Variants in TENM1 observed in about 807,000 individuals in gnomAD.
The protein encoded by TENM1 is teneurin-1.
In TENM1, 35 loss-of-function variants were observed where a neutral mutation model predicts 174.8. The observed-to-expected ratio is 0.20, with a 90% CI of 0.15 to 0.27. The LOEUF (loss-of-function observed/expected upper bound fraction) is 0.27, where lower values mean the gene tolerates loss of function less well. Among genes scored for constraint, TENM1 ranks in the 10% least tolerant of loss-of-function variants. The pLI, the probability that TENM1 is intolerant of heterozygous loss-of-function variation, is 1.00. For missense variants in TENM1, 1,633 were observed against 2,130.1 expected, an observed-to-expected ratio of 0.77 and a Z score of 4.59; for synonymous variants, 781 against 798.7, an observed-to-expected ratio of 0.98 and a Z score of 0.37.
At chrX:124,680,852 T>C (rs1054519575) in intron 5 of TENM1, among the ~76,000 whole-genome samples, 2 of 110,834 alleles carry the variant, frequency 1.8e-5, no homozygotes. Flanking sequence ...GATGGGAGTT[T>C]CTCAGATTCC....
At position 124,840,574 on chromosome X, in the gene TENM1, T is replaced by C. The variant is rs939519764; in HGVS notation, c.535+53722A>G. Among the ~76,000 whole-genome samples, 4 of 111,667 alleles carry C rather than the reference T, an allele frequency of 3.6e-5. No homozygotes were observed. The Admixed American group carries it at 3.8e-4, about 11-fold the overall frequency. ...AAGACTAACCCCTTGAGAGCACATTTACAGATAAATGCACAAAAAAATAAA... is the reference window on the plus strand; with the variant it reads ...AAGACTAACCCCTTGAGAGCACATTCACAGATAAATGCACAAAAAAATAAA... On this transcript the variant is annotated intron_variant, in intron 3 of 31. Coordinates refer to ENST00000422452, the Ensembl canonical transcript of TENM1.
At chrX:124,865,398 A>AT (rs1231961632) in intron 3 of TENM1, among the ~76,000 whole-genome samples, 1 of 111,839 alleles carries the variant, frequency 8.9e-6, no homozygotes, top group Non-Finnish European at 1.9e-5. Flanking sequence ...AGTTTTTATT[A>AT]TTTTTCATTT....
the TENM1 span, among the ~76,000 whole-genome samples, chrX:125,052,791 T>C: frequency 8.9e-6 from 1 of 112,505 alleles, no homozygotes; most frequent in African/African-American, 3.2e-5. Context: ...AGGACAAATG[T>C]TCCGGGCTTC....
At chrX:124,757,688 G>A (rs1305420762) in intron 3 of TENM1, among the ~76,000 whole-genome samples, 1 of 112,502 alleles carries the variant, frequency 8.9e-6, no homozygotes, top group Non-Finnish European at 1.9e-5. Flanking sequence ...AATACATAGT[G>A]TAGCACTTCA....
intron 3 of TENM1, among the ~76,000 whole-genome samples, chrX:124,835,920 C>T (rs773772537): frequency 5.1e-4 from 57 of 111,517 alleles, no homozygotes; most frequent in Non-Finnish European, 8.7e-4. Flanking sequence ...GAATGCTTTT[C>T]GAGGGGATGA....
At chrX:124,439,262 T>C (rs980111612) in intron 23 of TENM1, among the ~76,000 whole-genome samples, 2 of 112,066 alleles carry the variant, frequency 1.8e-5, no homozygotes, top group Non-Finnish European at 3.8e-5. Context: ...TTTTTGTGTG[T>C]GTGAAATTGA....
the TENM1 span, among the ~76,000 whole-genome samples, chrX:125,157,626 C>T: frequency 5.4e-5 from 6 of 111,886 alleles, no homozygotes; most frequent in African/African-American, 1.6e-4. Context: ...AACGAACTAG[C>T]ATGCCTCAAT....
At chrX:124,928,445 A>G (rs767026552) in intron 1 of TENM1, among the ~76,000 whole-genome samples, 52 of 112,194 alleles carry the variant, frequency 4.6e-4, no homozygotes, top group Non-Finnish European at 9.2e-4. Flanking sequence ...TTCCTTAAAG[A>G]ACATCTGTAC....
At chrX:124,781,151 G>A (rs2054900746) in intron 3 of TENM1, among the ~76,000 whole-genome samples, 1 of 111,292 alleles carries the variant, frequency 9.0e-6, no homozygotes, top group Non-Finnish European at 1.9e-5. Flanking sequence ...TTTTTTGTTT[G>A]TCTCATTAAA....
chrX:124,760,051 C>G (rs1485000203), intron 3 of TENM1, among the ~76,000 whole-genome samples: 1 of 111,495 alleles, frequency 9.0e-6, no homozygotes, highest in Non-Finnish European at 1.9e-5. Flanking sequence ...GAATACAGCC[C>G]ACCTGTGCAC....
intron 5 of TENM1, among the ~76,000 whole-genome samples, chrX:124,693,889 T>C (rs1331658627): frequency 9.0e-6 from 1 of 111,517 alleles, no homozygotes; most frequent in East Asian, 2.8e-4. Context: ...ATAGGAGTTG[T>C]ATGTAAATAG....
intron 4 of TENM1, among the ~76,000 whole-genome samples, chrX:124,710,172 T>C (rs2053010994): frequency 9.0e-6 from 1 of 110,833 alleles, no homozygotes; most frequent in Admixed American, 9.6e-5. Context: ...CATTTACTAG[T>C]GAGCAAGAAG....
chrX:125,098,421 CT>C, the TENM1 span, among the ~76,000 whole-genome samples: 1 of 111,859 alleles, frequency 8.9e-6, no homozygotes, highest in Non-Finnish European at 1.9e-5. Flanking sequence ...CTGAAATTTA[CT>C]TTTAAATAGC....
At position 124,857,565 on chromosome X, in the gene TENM1, A is replaced by G. The variant is rs781568858; in HGVS notation, c.535+36731T>C. Among the ~76,000 whole-genome samples the G allele has an allele frequency of 4.5e-5, 5 of 111,968 alleles. No individual in the cohort carries two copies. The South Asian group carries it at 1.9e-3, about 42-fold the overall frequency. ...AATCTGTAGAGACAAAATGTAGATT[A>G]GTGCTACTTACAGTTGGGGGATAAA... On this transcript the variant is annotated intron_variant, in intron 3 of 31. Transcript: ENST00000422452.
At chrX:124,617,007 TGAA>T (rs1355959571) in intron 11 of TENM1, among the ~76,000 whole-genome samples, 1 of 112,131 alleles carries the variant, frequency 8.9e-6, no homozygotes, top group African/African-American at 3.2e-5. Flanking sequence ...TTTAGAAAGA[TGAA>T]GAATCCACTG....
rs548958351 is a variant in TENM1 at position 124,891,174 on chromosome X, G to A, written c.535+3122C>T. On this transcript the variant is annotated intron_variant, in intron 3 of 31. Coordinates refer to ENST00000422452, the Ensembl canonical transcript of TENM1. ...AAGGGTAGAGGGAAGTGGGGGAAAA[G>A]GTGGGGAAGGTTAATAGGTGCAAAA... Among the ~76,000 whole-genome samples, 18 of 110,957 alleles carry A rather than the reference G, an allele frequency of 1.6e-4. No homozygotes were observed. The South Asian group carries it at 6.6e-3, about 41-fold the overall frequency.
chrX:125,117,207 G>A, the TENM1 span, among the ~76,000 whole-genome samples: 1 of 111,011 alleles, frequency 9.0e-6, no homozygotes, highest in East Asian at 2.8e-4. Context: ...ACACCCAAAG[G>A]ATTGTAAATC....
chrX:124,498,769 T>C (rs895857973), intron 19 of TENM1, among the ~76,000 whole-genome samples: 11 of 110,523 alleles, frequency 1.0e-4, no homozygotes, highest in African/African-American at 3.6e-4. Context: ...TTACCACATG[T>C]GTGATACAGT....
the TENM1 span, among the ~76,000 whole-genome samples, chrX:125,137,538 G>A: frequency 4.6e-5 from 5 of 108,570 alleles, no homozygotes; most frequent in Non-Finnish European, 7.7e-5. Flanking sequence ...GACAGAGATC[G>A]ACACACTGCA....
Sources: allele counts gnomAD v4.1 joint callset (sites outside exome capture counted in the v4.1 genomes callset), GRCh38; gene constraint gnomAD v4.1.1; transcripts MANE v1.5; gene names NCBI Gene and HGNC (gene_info 2026-07-23, HGNC 2026-07-21).